Variants in DKK2 observed in about 807,000 individuals in gnomAD.
The protein encoded by DKK2 is dickkopf Wnt signaling pathway inhibitor 2, also known as dickkopf-related protein 2.
Under a neutral mutation model 28.1 loss-of-function variants are expected in DKK2, and 11 were observed. That is an observed-to-expected ratio of 0.39 (90% CI 0.25 to 0.65). DKK2 has a LOEUF of 0.65. DKK2 is among the 30% of genes least tolerant of loss of function. The pLI, the probability that DKK2 is intolerant of heterozygous loss-of-function variation, is 0.47. For synonymous variants in DKK2, 135 were observed against 126.5 expected (o/e 1.07, Z -0.45); for missense variants, 326 against 335.5 (o/e 0.97, Z 0.22).
intron 1 of DKK2, among the ~76,000 whole-genome samples, chr4:106,986,633 G>A (rs1429752218): frequency 1.3e-5 from 2 of 152,102 alleles, no homozygotes; most frequent in African/African-American, 4.8e-5. Context: ...TCTGTTACAT[G>A]TAACTAGAGT....
In DKK2 at chr4:106,947,379, G is replaced by A. The variant is rs536811486; in HGVS notation, c.223-21430C>T. ...CTGTGACAGCTGCTTGAAAGGTACC[G>A]TACCCTGTGACAACAGCTTGAAAGA... On this transcript the variant is annotated intron_variant, in intron 1 of 3. Coordinates refer to ENST00000285311, the MANE Select transcript of DKK2 (RefSeq NM_014421.3). Among the ~76,000 whole-genome samples the A allele has an allele frequency of 5.3e-5, 8 of 152,078 alleles. No individual in the cohort carries two copies. The South Asian group carries it at 1.5e-3, about 28-fold the overall frequency.
At chr4:106,925,438 C>G (rs1328391721) in intron 2 of DKK2, among the ~76,000 whole-genome samples, 1 of 152,182 alleles carries the variant, frequency 6.6e-6, no homozygotes, top group Non-Finnish European at 1.5e-5. Flanking sequence ...AAACCCAAAG[C>G]ACAAAACTGG....
intron 1 of DKK2, among the ~76,000 whole-genome samples, chr4:107,030,354 T>G (rs184065737): frequency 1.3e-5 from 2 of 152,194 alleles, no homozygotes; most frequent in Non-Finnish European, 2.9e-5. Context: ...TAAATTTTTC[T>G]TATGCATTCT....
chr4:106,927,706 C>T (rs1311138693), intron 1 of DKK2, among the ~76,000 whole-genome samples: 1 of 151,914 alleles, frequency 6.6e-6, no homozygotes, highest in African/African-American at 2.4e-5. Context: ...TCCCGCCTTA[C>T]CACACTCTTT....
At chr4:107,016,050 C>A (rs1723598960) in intron 1 of DKK2, among the ~76,000 whole-genome samples, 1 of 151,692 alleles carries the variant, frequency 6.6e-6, no homozygotes, top group Non-Finnish European at 1.5e-5. Flanking sequence ...TATAATTTTT[C>A]TTAACCTTAA....
chr4:106,999,490 G>A (rs1288166970), intron 1 of DKK2, among the ~76,000 whole-genome samples: 1 of 152,128 alleles, frequency 6.6e-6, no homozygotes, highest in East Asian at 1.9e-4. Context: ...GGGACTACAG[G>A]TGCCCACCAC....
intron 1 of DKK2, among the ~76,000 whole-genome samples, chr4:106,940,215 C>T (rs1724672397): frequency 6.6e-6 from 1 of 152,150 alleles, no homozygotes; most frequent in African/African-American, 2.4e-5. Context: ...ACTCATCTGA[C>T]AAAGGGCTAA....
chr4:107,014,116 T>C (rs564949896), intron 1 of DKK2, among the ~76,000 whole-genome samples: 3 of 151,532 alleles, frequency 2.0e-5, no homozygotes, highest in South Asian at 4.1e-4. Flanking sequence ...TATGACATGA[T>C]ACAGCAATTC....
intron 1 of DKK2, among the ~76,000 whole-genome samples, chr4:106,972,161 G>A (rs1722877367): frequency 6.6e-6 from 1 of 151,898 alleles, no homozygotes; most frequent in Non-Finnish European, 1.5e-5. Context: ...AATTTCTTGT[G>A]CCTGAAACCT....
chr4:106,953,571 C>T (rs1039450605), intron 1 of DKK2, among the ~76,000 whole-genome samples: 23 of 152,264 alleles, frequency 1.5e-4, no homozygotes, highest in African/African-American at 5.1e-4. Context: ...ACGTTTCACT[C>T]TGTAGATGAA....
chr4:106,981,017 T>C (rs1472661622), intron 1 of DKK2, among the ~76,000 whole-genome samples: 1 of 152,176 alleles, frequency 6.6e-6, no homozygotes, highest in Non-Finnish European at 1.5e-5. Flanking sequence ...AAGAATTTAC[T>C]ACTGCTGCCC....
In DKK2 at chr4:106,925,968, A is replaced by C. The variant is rs181239523; in HGVS notation, c.223-19T>G. The C allele has an allele frequency of 1.3e-5, 21 of 1,586,358 alleles. No homozygotes were observed. In the Admixed American group the frequency reaches 3.4e-4, roughly 26 times the overall value. The stretch of plus-strand genomic sequence containing the variant: ...GGTAGGCCTGTCATCAAGTGGAACA[A>C]CACCAGAAGTAAAGGATTAGATCGT... On this transcript the variant is annotated intron_variant, in intron 1 of 3. Coordinates refer to ENST00000285311, the MANE Select transcript of DKK2 (RefSeq NM_014421.3).
intron 1 of DKK2, among the ~76,000 whole-genome samples, chr4:106,973,088 C>T (rs753371003): frequency 4.3e-4 from 66 of 152,266 alleles, no homozygotes; most frequent in Non-Finnish European, 6.6e-4. Flanking sequence ...TTTATGGCTG[C>T]GTAGTATTCC....
chr4:106,957,171 A>G (rs955416573), intron 1 of DKK2, among the ~76,000 whole-genome samples: 8 of 152,190 alleles, frequency 5.3e-5, no homozygotes, highest in South Asian at 2.1e-4. Context: ...ATCACTGGCC[A>G]TCAGAGAAAT....
intron 1 of DKK2, among the ~76,000 whole-genome samples, chr4:106,945,968 A>G (rs1329908906): frequency 6.6e-6 from 1 of 152,140 alleles, no homozygotes; most frequent in East Asian, 1.9e-4. Context: ...AACAGACGCC[A>G]TGATTGCTAG....
In DKK2 at chr4:106,922,613, A is replaced by G. The variant is rs1341603124; in HGVS notation, c.*1341T>C. On this transcript the variant is annotated 3_prime_UTR_variant, in exon 4 of 4. Transcript: ENST00000285311. ...GCTAGTCAGAAGCTTATAGAGGGCA[A>G]TGAAACCTCACTACTCTGTCTACTT... 2 of 152,206 alleles carry G rather than the reference A, an allele frequency of 1.3e-5. No homozygotes were observed. The highest frequency in any genetic ancestry group is 2.4e-5 in the African/African-American group (1 of 41,462). The allele number at this position is 152,206 out of a possible 1,614,324, so 9.4% of individuals were successfully genotyped here. A position where few individuals can be genotyped will look rare whatever the true frequency, so the allele number is the denominator to read the frequency against.
Position 106,965,751 on chromosome 4 carries a change from C to A in DKK2, c.223-39802G>T, listed in dbSNP as rs563316916. 1.1e-3 allele frequency among the ~76,000 whole-genome samples: 134 copies of A among 124,662 alleles called. 1 individual carries two copies. Among genetic ancestry groups the A allele is most frequent in the South Asian group, 6.3e-4 (2 of 3,182 alleles). The allele number at this position is 124,662 out of a possible 152,430, so 81.8% of individuals were successfully genotyped here. On this transcript the variant is annotated intron_variant, in intron 1 of 3. Coordinates refer to ENST00000285311, the MANE Select transcript of DKK2 (RefSeq NM_014421.3). ...CCAATGCTATCCCTCCCCCCTCCCC[C>A]CACCCCACAACAGTCCCCAGAGTGT...
At chr4:106,937,062 T>C (rs373679816) in intron 1 of DKK2, among the ~76,000 whole-genome samples, 3 of 151,932 alleles carry the variant, frequency 2.0e-5, no homozygotes, top group East Asian at 1.9e-4. Context: ...CATCAACTAA[T>C]GAGCAAAATA....
At chr4:107,023,913 C>A (rs1723732196) in intron 1 of DKK2, among the ~76,000 whole-genome samples, 1 of 152,092 alleles carries the variant, frequency 6.6e-6, no homozygotes, top group Admixed American at 6.5e-5. Flanking sequence ...CTCTGAGATT[C>A]CTGCACATAT....
Sources: allele counts gnomAD v4.1 joint callset (sites outside exome capture counted in the v4.1 genomes callset), GRCh38; gene constraint gnomAD v4.1.1; transcripts MANE v1.5; gene names NCBI Gene and HGNC (gene_info 2026-07-23, HGNC 2026-07-21).